The following PALLD variants were observed in gnomAD, a reference collection of about 807,000 sequenced individuals.
PALLD encodes the protein palladin.
A neutral mutation model predicts 123.5 loss-of-function variants in PALLD; 61 were observed. That is an observed-to-expected ratio of 0.49 (90% CI 0.40 to 0.61). The LOEUF (loss-of-function observed/expected upper bound fraction) is 0.61. Ranked by LOEUF, PALLD falls within the 20% of genes least tolerant of loss-of-function variation. PALLD has a pLI of 0.00. For synonymous variants in PALLD, 465 were observed against 496.4 expected, an observed-to-expected ratio of 0.94 and a Z score of 0.84; for missense variants, 1,273 against 1,377.0, an observed-to-expected ratio of 0.92 and a Z score of 1.20.
chr4:168,708,127 C>A (rs1443051133), intron 8 of PALLD, among the ~76,000 whole-genome samples: 1 of 152,128 alleles, frequency 6.6e-6, no homozygotes, highest in Non-Finnish European at 1.5e-5. Flanking sequence ...TATTGTGCTT[C>A]CATTTTCTAC....
intron 10 of PALLD, among the ~76,000 whole-genome samples, chr4:168,791,902 A>T (rs542843571): frequency 5.4e-4 from 78 of 145,094 alleles, no homozygotes; most frequent in African/African-American, 2.1e-3. Flanking sequence ...AAAATCTTCT[A>T]AAAAAAAGCA....
In PALLD at chr4:168,660,614, G is replaced by A. The variant is rs554501210; in HGVS notation, c.909-7576G>A. Among the ~76,000 whole-genome samples, 212 of 151,262 alleles carry A rather than the reference G, an allele frequency of 1.4e-3. 1 individual carries two copies. Among genetic ancestry groups the A allele is most frequent in the African/African-American group, 4.9e-3 (203 of 41,156 alleles). On this transcript the variant is annotated intron_variant, in intron 2 of 21. Coordinates refer to ENST00000505667, the MANE Select transcript of PALLD (RefSeq NM_001166108.2). ...ACAATACACACACACACACACATAT[G>A]TATGTGTACGTATACATATTTATAA...
chr4:168,543,941 C>T (rs1169189893), intron 2 of PALLD, among the ~76,000 whole-genome samples: 1 of 152,180 alleles, frequency 6.6e-6, no homozygotes, highest in African/African-American at 2.4e-5. Context: ...TTTGTGTATA[C>T]ATGAAGATGT....
At chr4:168,841,722 T>G (rs912492395) in intron 10 of PALLD, among the ~76,000 whole-genome samples, 4 of 152,230 alleles carry the variant, frequency 2.6e-5, no homozygotes, top group African/African-American at 7.2e-5. Flanking sequence ...TTTTCCTATG[T>G]GTTTATTTTG....
intron 10 of PALLD, among the ~76,000 whole-genome samples, chr4:168,731,713 A>T (rs1054603391): frequency 1.3e-5 from 2 of 152,228 alleles, no homozygotes; most frequent in Admixed American, 6.5e-5. Flanking sequence ...CTCCACCTTC[A>T]AGAAGTGGCA....
intron 2 of PALLD, among the ~76,000 whole-genome samples, chr4:168,517,573 A>T (rs1763107767): frequency 6.6e-6 from 1 of 152,228 alleles, no homozygotes; most frequent in African/African-American, 2.4e-5. Flanking sequence ...CAACTCTGTC[A>T]GTAAAAATTT....
intron 10 of PALLD, among the ~76,000 whole-genome samples, chr4:168,833,982 T>C (rs1341160740): frequency 2.0e-5 from 3 of 149,092 alleles, no homozygotes; most frequent in African/African-American, 5.0e-5. Flanking sequence ...AAGAGCTAGA[T>C]AATAAACAGT....
At chr4:168,758,536 T>C (rs1732221518) in intron 10 of PALLD, among the ~76,000 whole-genome samples, 1 of 152,160 alleles carries the variant, frequency 6.6e-6, no homozygotes, top group African/African-American at 2.4e-5. Flanking sequence ...TTCTTCAGCA[T>C]GAATCATGCA....
intron 15 of PALLD, among the ~76,000 whole-genome samples, chr4:168,910,572 A>G (rs1405598093): frequency 3.3e-5 from 5 of 152,230 alleles, no homozygotes; most frequent in African/African-American, 7.2e-5. Flanking sequence ...TGCTACAATA[A>G]TTTAACATTT....
chr4:168,690,590 C>A lies in PALLD; in HGVS notation c.1336-13C>A, dbSNP rs759243211. The A allele has an allele frequency of 6.2e-6, 10 of 1,614,164 alleles. No individual in the cohort carries two copies. The Admixed American group carries it at 1.5e-4, about 24-fold the overall frequency. On this transcript the variant is annotated splice_polypyrimidine_tract_variant and intron_variant, in intron 6 of 21. Coordinates refer to ENST00000505667, the MANE Select transcript of PALLD (RefSeq NM_001166108.2). ...GTCTGATGGGGTTTTCCTTGAATTT[C>A]CTTGAATTTCAGGAACTGCAAAACA...
intron 10 of PALLD, among the ~76,000 whole-genome samples, chr4:168,809,816 A>G (rs549067145): frequency 8.0e-5 from 12 of 150,888 alleles, no homozygotes; most frequent in African/African-American, 2.9e-4. Flanking sequence ...GTGAGCTGAG[A>G]TTGTGCCACT....
At chr4:168,518,162 G>A (rs11930102) in intron 2 of PALLD, among the ~76,000 whole-genome samples, 112,181 of 151,640 alleles carry the variant, frequency 0.74, 41,707 homozygotes, top group East Asian at 0.86. Context: ...CACACCCCAA[G>A]TCCAATTCAT....
chr4:168,858,526 T>G (rs1748947324), intron 10 of PALLD, among the ~76,000 whole-genome samples: 1 of 152,132 alleles, frequency 6.6e-6, no homozygotes, highest in African/African-American at 2.4e-5. Flanking sequence ...CTCACGCCTG[T>G]CATCCCAGCA....
intron 10 of PALLD, among the ~76,000 whole-genome samples, chr4:168,825,229 A>G (rs563523363): frequency 1.3e-5 from 2 of 152,360 alleles, no homozygotes; most frequent in South Asian, 4.1e-4. Flanking sequence ...TTATATTTAA[A>G]GAAAGTTTAA....
chr4:168,878,568 G>A (rs528866757), intron 10 of PALLD, among the ~76,000 whole-genome samples: 1 of 152,094 alleles, frequency 6.6e-6, no homozygotes, highest in South Asian at 2.1e-4. Context: ...TTGACTCAGT[G>A]ATTCTTGCGT....
At chr4:168,800,243 A>G (rs1280661502) in intron 10 of PALLD, among the ~76,000 whole-genome samples, 2 of 152,214 alleles carry the variant, frequency 1.3e-5, no homozygotes, top group African/African-American at 4.8e-5. Context: ...TAATAAAGGA[A>G]AAATTTGATA....
chr4:168,646,138 A>T (rs1777425809), intron 2 of PALLD, among the ~76,000 whole-genome samples: 1 of 152,142 alleles, frequency 6.6e-6, no homozygotes, highest in African/African-American at 2.4e-5. Context: ...CCAGGCCATC[A>T]CAGCCTCTTC....
intron 3 of PALLD, among the ~76,000 whole-genome samples, chr4:168,674,878 T>C (rs1580889421): frequency 6.6e-6 from 1 of 152,092 alleles, no homozygotes; most frequent in South Asian, 2.1e-4. Flanking sequence ...CAGGCAGGAT[T>C]TACTAGAATA....
chr4:168,515,839 T>C (rs1279259557), intron 2 of PALLD, among the ~76,000 whole-genome samples: 6 of 151,832 alleles, frequency 4.0e-5, no homozygotes, highest in African/African-American at 1.5e-4. Flanking sequence ...TTAACATGCC[T>C]GGGCTACTAA....
Sources: gnomAD v4.1 joint callset for allele counts (sites outside exome capture counted in the v4.1 genomes callset) on GRCh38, gnomAD v4.1.1 for gene constraint, MANE v1.5 for transcripts, NCBI Gene and HGNC (gene_info 2026-07-23, HGNC 2026-07-21) for gene names.